MACF1: variants seen among roughly 807,000 people sequenced by gnomAD.
MACF1 encodes microtubule-actin cross-linking factor 1.
In MACF1, 193 loss-of-function variants were observed where a neutral mutation model predicts 854.8. The observed-to-expected ratio is 0.23, with a 90% confidence interval of 0.20 to 0.25. MACF1 has a LOEUF of 0.25. Among genes scored for constraint, MACF1 ranks in the 10% least tolerant of loss-of-function variants. The pLI is 1.00. For synonymous variants in MACF1, 3,185 were observed against 3,226.7 expected (o/e 0.99, Z 0.44); for missense variants, 7,722 against 8,929.1 (o/e 0.86, Z 5.45).
chr1:39,350,352 A>T (rs777724677), intron 42 of MACF1, among the ~76,000 whole-genome samples: 5 of 152,290 alleles, frequency 3.3e-5, no homozygotes, highest in Admixed American at 6.5e-5. Flanking sequence ...AAAAAACAAG[A>T]GGAAAATTAG....
intron 2 of MACF1, among the ~76,000 whole-genome samples, chr1:39,128,441 G>T (rs997345444): frequency 6.6e-6 from 1 of 152,062 alleles, no homozygotes; most frequent in Non-Finnish European, 1.5e-5. Flanking sequence ...GGTGGCTCAC[G>T]CCTGTAATCC....
In MACF1 at chr1:39,428,152, G is replaced by C; in HGVS notation, c.16668G>C (p.Leu5556=). The change falls in exon 63 of 101, where the codon CTG becomes CTC. Residue 5556 remains leucine (L), a synonymous_variant. Transcript: ENST00000564288. ...AGGCAGCCCTACTTGACCAAGCTCT[G>C]TCTAATGCTAGGCTGTTTGGGGAGG... is the stretch of plus-strand genomic sequence containing the variant. The part of the protein sequence containing the change: ...CRKAALLDQA[L]SNARLFGEDE... The C allele has an allele frequency of 1.2e-6, 2 of 1,614,210 alleles. No individual in the cohort carries two copies. Among genetic ancestry groups the C allele is most frequent in the Non-Finnish European group, 1.7e-6 (2 of 1,180,044 alleles).
At chr1:39,139,878 A>C (rs140519668) in intron 2 of MACF1, among the ~76,000 whole-genome samples, 6 of 152,292 alleles carry the variant, frequency 3.9e-5, no homozygotes, top group Admixed American at 3.9e-4. Context: ...CCTGTTTTAC[A>C]GCTGAGGAAA....
chr1:39,337,210 A>T lies in MACF1; in HGVS notation c.10094A>T (p.Glu3365Val), dbSNP rs755138993. ...QNVFTRQLCL[E>V]HDEKLVSYLS... is the part of the protein sequence containing the mutation. ...GTATTTACCCGGCAACTCTGTTTAG[A>T]ACATGATGAAAAGCTAGTATCCTAT... The change falls in exon 38 of 101, where the codon GAA (glutamate) becomes GTA (valine). Residue 3365 changes from glutamate (E) to valine (V), a missense_variant. Transcript: ENST00000564288. 2 of 1,613,904 alleles carry T rather than the reference A, an allele frequency of 1.2e-6. No homozygotes were observed. The highest frequency in any genetic ancestry group is 1.1e-5 in the South Asian group (1 of 90,988).
intron 58 of MACF1, among the ~76,000 whole-genome samples, chr1:39,400,502 G>A (rs1425758893): frequency 6.9e-6 from 1 of 145,214 alleles, no homozygotes; most frequent in Admixed American, 6.9e-5. Context: ...TTCATTTTTT[G>A]TTTGTTTGTT....
chr1:39,242,577 C>T (rs1369688372), intron 2 of MACF1, among the ~76,000 whole-genome samples: 2 of 151,834 alleles, frequency 1.3e-5, no homozygotes, highest in African/African-American at 2.4e-5. Flanking sequence ...GGCAAAACCC[C>T]ATCTCTACAA....
intron 1 of MACF1, among the ~76,000 whole-genome samples, chr1:39,228,296 G>C (rs994298150): frequency 6.6e-6 from 1 of 152,122 alleles, no homozygotes; most frequent in Non-Finnish European, 1.5e-5. Context: ...GGTGACAAAA[G>C]CGAAACTCTG....
intron 2 of MACF1, among the ~76,000 whole-genome samples, chr1:39,089,587 A>G (rs970326339): frequency 1.6e-4 from 24 of 151,980 alleles, no homozygotes; most frequent in African/African-American, 2.7e-4. Context: ...TTGCCCTGGG[A>G]CAGAGAGCCA....
intron 2 of MACF1, among the ~76,000 whole-genome samples, chr1:39,102,426 A>C (rs1642114447): frequency 3.0e-5 from 1 of 32,814 alleles, no homozygotes; most frequent in Admixed American, 2.6e-4. Flanking sequence ...GGACCTATTA[A>C]TTGGAGGCGG....
rs779101219 is a variant in MACF1 at position 39,451,135 on chromosome 1, T to C, written c.20342T>C (p.Val6781Ala). 1 of 1,614,164 alleles carries C rather than the reference T, an allele frequency of 6.2e-7. No individual in the cohort carries two copies. The highest frequency in any genetic ancestry group is 8.5e-7 in the Non-Finnish European group (1 of 1,180,026). ...GCATTGGTTGACTGGTTATACAAGG[T>C]GGAGCCACAGCTGGCTGAGGACCAG... is the stretch of plus-strand genomic sequence containing the variant. ...LQALVDWLYK[V>A]EPQLAEDQPV... The change falls in exon 85 of 101, where the codon GTG (valine) becomes GCG (alanine). Residue 6781 changes from valine to alanine, a missense_variant. By Grantham distance (64) the Val-to-Ala change is moderately conservative (BLOSUM62 0). This residue lies in a region of MACF1 where 729 missense variants were observed against 900.5 expected (regional missense o/e 0.81). Transcript: ENST00000564288.
intron 2 of MACF1, among the ~76,000 whole-genome samples, chr1:39,086,043 A>G (rs72922968): frequency 0.024 from 3,705 of 152,232 alleles, 153 homozygotes; most frequent in African/African-American, 0.081. Context: ...CCCTTGTTCA[A>G]TGTAGCAGTT....
chr1:39,209,172 A>G (rs966087960), intron 1 of MACF1, among the ~76,000 whole-genome samples: 1 of 151,074 alleles, frequency 6.6e-6, no homozygotes, highest in Admixed American at 6.6e-5. Context: ...GTGAGCCGAG[A>G]TCTCACCATT....
At chr1:39,149,602 T>G (rs1643533894) in intron 2 of MACF1, among the ~76,000 whole-genome samples, 2 of 152,032 alleles carry the variant, frequency 1.3e-5, no homozygotes, top group African/African-American at 2.4e-5. Flanking sequence ...GCATTGATTT[T>G]GGGAGGAAAG....
At chr1:39,212,442 G>A (rs1644527917) in intron 1 of MACF1, among the ~76,000 whole-genome samples, 1 of 152,094 alleles carries the variant, frequency 6.6e-6, no homozygotes, top group South Asian at 2.1e-4. Context: ...GCCGTTAGGA[G>A]AAATAGGTTC....
chr1:39,224,185 C>G (rs1197221396), intron 1 of MACF1, among the ~76,000 whole-genome samples: 1 of 151,796 alleles, frequency 6.6e-6, no homozygotes, highest in Non-Finnish European at 1.5e-5. Context: ...TCCCCCTACT[C>G]CCCCCCATAC....
intron 4 of MACF1, among the ~76,000 whole-genome samples, chr1:39,252,194 G>A (rs1028963157): frequency 2.6e-5 from 4 of 152,186 alleles, no homozygotes; most frequent in African/African-American, 9.7e-5. Flanking sequence ...GGTTTTTGGA[G>A]GTGTCAAGTT....
At position 39,347,072 on chromosome 1, in the gene MACF1, C is replaced by A. The variant is rs1647067933; in HGVS notation, c.10677C>A (p.Ser3559=). The change falls in exon 41 of 101, where the codon TCC becomes TCA. Residue 3559 remains serine, a synonymous_variant. Transcript: ENST00000564288. The part of the protein sequence containing the change: ...FFISEHAQDL[S]PQQNRQMLRL... Reference sequence around the variant, plus strand: ...TCTCAGAACATGCCCAGGACTTGTCCCCTCAGCAGAATCGACAGATGCTGA... The same window carrying A: ...TCTCAGAACATGCCCAGGACTTGTCACCTCAGCAGAATCGACAGATGCTGA... The A allele has an allele frequency of 6.2e-7, 1 of 1,613,792 alleles. No homozygotes were observed. The highest frequency in any genetic ancestry group is 1.3e-5 in the African/African-American group (1 of 74,892).
intron 55 of MACF1, among the ~76,000 whole-genome samples, chr1:39,380,974 A>G (rs1006469030): frequency 1.3e-5 from 2 of 152,200 alleles, no homozygotes; most frequent in African/African-American, 4.8e-5. Flanking sequence ...GATGGAAATA[A>G]TAAAAATATT....
At chr1:39,355,408 TA>T in intron 44 of MACF1, among the ~76,000 whole-genome samples, 1 of 151,864 alleles carries the variant, frequency 6.6e-6, no homozygotes, top group East Asian at 1.9e-4. Flanking sequence ...CCCACTTCAC[TA>T]TCTAATTGAG....
Sources: allele counts gnomAD v4.1 joint callset (sites outside exome capture counted in the v4.1 genomes callset), GRCh38; gene constraint gnomAD v4.1.1; regional missense constraint gnomAD v4.1.1; transcripts MANE v1.5; gene names NCBI Gene and HGNC (gene_info 2026-07-23, HGNC 2026-07-21).